The following CCDC127 variants were observed in gnomAD, a reference collection of about 807,000 sequenced individuals.
CCDC127 encodes the protein coiled-coil domain containing 127, also known as coiled-coil domain-containing protein 127.
Under a neutral mutation model 4.1 loss-of-function variants are expected in CCDC127, and 2 were observed. The ratio of observed to expected loss-of-function variants is 0.49; its 90% CI spans 0.20 to 1.53. CCDC127 has a LOEUF of 1.53. Ranked by LOEUF, CCDC127 falls within the 40% of genes most tolerant of loss-of-function variation. CCDC127 has a pLI of 0.23. For missense variants in CCDC127, 271 were observed against 322.9 expected (o/e 0.84, Z 1.23); for synonymous variants, 98 against 120.4 (o/e 0.81, Z 1.22).
chr5:213,690 A>G (rs1340615609), intron 2 of CCDC127, among the ~76,000 whole-genome samples: 2 of 152,274 alleles, frequency 1.3e-5, no homozygotes, highest in African/African-American at 2.4e-5. Flanking sequence ...ACGGGACAGC[A>G]GTGAAACACC....
chr5:206,854 T>C (rs73029475), intron 2 of CCDC127, among the ~76,000 whole-genome samples: 19,615 of 152,104 alleles, frequency 0.13, 1,331 homozygotes, highest in Admixed American at 0.17. Flanking sequence ...AAAACAGAAC[T>C]GTTTGGCAAA....
In CCDC127 at chr5:201,306, T is replaced by C. The variant is rs1476587583; in HGVS notation, c.*3991A>G. ...TAATATGTGAAAGTAACTAGAAAGC[T>C]GTTTTCTCCCTTCTGCTTAAAGAGA... On this transcript the variant is annotated 3_prime_UTR_variant, in exon 3 of 3. Coordinates refer to ENST00000296824, the MANE Select transcript of CCDC127 (RefSeq NM_145265.3). 2 of 152,250 alleles carry C rather than the reference T, an allele frequency of 1.3e-5. No individual in the cohort carries two copies. The highest frequency in any genetic ancestry group is 4.8e-5 in the African/African-American group (2 of 41,444). 9.4% of individuals were successfully genotyped at this position (152,250 alleles called of 1,614,324 possible).
intron 2 of CCDC127, among the ~76,000 whole-genome samples, chr5:210,929 C>T (rs1463754452): frequency 9.3e-5 from 6 of 64,768 alleles, no homozygotes; most frequent in Non-Finnish European, 1.1e-4. Flanking sequence ...ACTGTGAGCA[C>T]GCTGATGCTC....
At chr5:214,285 G>A (rs1734336028) in intron 2 of CCDC127, 1 of 152,192 alleles carries the variant, frequency 6.6e-6, no homozygotes, top group Non-Finnish European at 1.5e-5. Context: ...CTATCGTTTT[G>A]CAGATGCTTC....
At position 197,024 on chromosome 5, in the gene CCDC127, T is replaced by C. The variant is rs1297769328; in HGVS notation, c.*8273A>G. 1 of 149,070 alleles carries C rather than the reference T, an allele frequency of 6.7e-6. No individual in the cohort carries two copies. The highest frequency in any genetic ancestry group is 1.5e-5 in the Non-Finnish European group (1 of 67,880). The allele number at this position is 149,070 out of a possible 1,614,324, so 9.2% of individuals were successfully genotyped here. On this transcript the variant is annotated 3_prime_UTR_variant, in exon 3 of 3. Transcript: ENST00000296824. ...GAGCAGGGTGATAATAAGGAGGAGGTCAGCAAAAACGTGTGAGCAAAAGAA... is the reference window on the plus strand; with the variant it reads ...GAGCAGGGTGATAATAAGGAGGAGGCCAGCAAAAACGTGTGAGCAAAAGAA...
chr5:218,148 C>G lies in CCDC127; in HGVS notation c.-66G>C, dbSNP rs1373382433. 3 of 1,241,504 alleles carry G rather than the reference C, an allele frequency of 2.4e-6. No individual in the cohort carries two copies. The highest frequency in any genetic ancestry group is 3.0e-6 in the Non-Finnish European group (3 of 991,454). 76.9% of individuals were successfully genotyped at this position (1,241,504 alleles called of 1,614,324 possible). The stretch of plus-strand genomic sequence containing the variant: ...CCCTTAACGCCACCGTCCGCGGGTC[C>G]GCTTTGCGCAGGCGCGGCGCCCCCA... On this transcript the variant is annotated 5_prime_UTR_variant, in exon 1 of 3. Coordinates refer to ENST00000296824, the MANE Select transcript of CCDC127 (RefSeq NM_145265.3).
Position 205,277 on chromosome 5 carries a change from A to C in CCDC127, c.*20T>G, listed in dbSNP as rs1207665191. 6.3e-7 allele frequency: 1 copy of C among 1,588,550 alleles called. No homozygotes were observed. Among genetic ancestry groups the C allele is most frequent in the South Asian group, 1.1e-5 (1 of 87,512 alleles). ...TGCCTGGCCTCGAGTCACTAAAAGC[A>C]GTTTGATTTCACTCTTGTCTTACTT... On this transcript the variant is annotated 3_prime_UTR_variant, in exon 3 of 3. Transcript: ENST00000296824.
chr5:217,959 G>C (rs1184412736), intron 1 of CCDC127, 134 bp downstream of exon 1: 3 of 372,574 alleles, frequency 8.1e-6, no homozygotes, highest in Non-Finnish European at 1.2e-5. Flanking sequence ...CTCCGCGGAC[G>C]AGCGCCCCCC....
In CCDC127 at chr5:205,789, G is replaced by A; in HGVS notation, c.291C>T (p.Asn97=). ...GGGCTTCTCGGTAACTAGCAGTTCTGTTTTGTTCCTTTTCGAGTTCCAAGG... is the reference window on the plus strand; with the variant it reads ...GGGCTTCTCGGTAACTAGCAGTTCTATTTTGTTCCTTTTCGAGTTCCAAGG... The part of the protein sequence containing the change: ...QLSLELEKEQ[N]RTASYREALI... The change falls in exon 3 of 3, where the codon AAC becomes AAT. Residue 97 remains asparagine, a synonymous_variant. Transcript: ENST00000296824. 1 of 1,614,148 alleles carries A rather than the reference G, an allele frequency of 6.2e-7. No individual in the cohort carries two copies. Among genetic ancestry groups the A allele is most frequent in the Non-Finnish European group, 8.5e-7 (1 of 1,180,034 alleles).
At position 202,215 on chromosome 5, in the gene CCDC127, C is replaced by T. The variant is rs1232555812; in HGVS notation, c.*3082G>A. ...ACAATCCATTTCAAAAGAGGGTGGC[C>T]TCACATCAACACTCAAACTTGCTGA... On this transcript the variant is annotated 3_prime_UTR_variant, in exon 3 of 3. Coordinates refer to ENST00000296824, the MANE Select transcript of CCDC127 (RefSeq NM_145265.3). 6.6e-6 allele frequency: 1 copy of T among 152,272 alleles called. No individual in the cohort carries two copies. Among genetic ancestry groups the T allele is most frequent in the East Asian group, 1.9e-4 (1 of 5,200 alleles). The allele number at this position is 152,272 out of a possible 1,614,324, so 9.4% of individuals were successfully genotyped here.
rs1291984518 is a variant in CCDC127 at position 205,324 on chromosome 5, T to C, written c.756A>G (p.Arg252=). ...ELVVELKKFK[R]VEEAILEK Reference sequence around the variant, plus strand: ...ACTTTTCTAGTATGGCTTCCTCTACTCTCTTAAACTTCTTCAGTTCGACAA... The same window carrying C: ...ACTTTTCTAGTATGGCTTCCTCTACCCTCTTAAACTTCTTCAGTTCGACAA... Residue 252 remains arginine (R), a synonymous_variant, in exon 3 of 3, where the codon AGA becomes AGG. Coordinates refer to ENST00000296824, the MANE Select transcript of CCDC127 (RefSeq NM_145265.3). 1.2e-6 allele frequency: 2 copies of C among 1,611,034 alleles called. No individual in the cohort carries two copies. Among genetic ancestry groups the C allele is most frequent in the East Asian group, 4.5e-5 (2 of 44,800 alleles).
chr5:205,645 C>T lies in CCDC127; in HGVS notation c.435G>A (p.Leu145=). 2 of 1,614,220 alleles carry T rather than the reference C, an allele frequency of 1.2e-6. No homozygotes were observed. ...QPLRSAYLSC[L]QREENWQRRA... is the part of the protein sequence containing the mutation. The stretch of plus-strand genomic sequence containing the variant: ...TCCTTTGCCAGTTTTCTTCCCTTTG[C>T]AGGCAGCTCAAATACGCACTTCTCA... The change falls in exon 3 of 3, where the codon CTG becomes CTA. Residue 145 remains leucine, a synonymous_variant. Coordinates refer to ENST00000296824, the MANE Select transcript of CCDC127 (RefSeq NM_145265.3).
At chr5:210,092 C>G (rs952049213) in intron 2 of CCDC127, among the ~76,000 whole-genome samples, 3 of 152,210 alleles carry the variant, frequency 2.0e-5, no homozygotes, top group African/African-American at 4.8e-5. Context: ...GACAAGAAAT[C>G]AAAGGCAAAC....
At chr5:207,513 C>CTGAA (rs1432477938) in intron 2 of CCDC127, among the ~76,000 whole-genome samples, 2 of 152,154 alleles carry the variant, frequency 1.3e-5, no homozygotes, top group Non-Finnish European at 2.9e-5. Context: ...GTCTAGAAGG[C>CTGAA]TGAAGGCTGA....
At chr5:215,794 A>T (rs1160148837) in intron 2 of CCDC127, 1 of 152,164 alleles carries the variant, frequency 6.6e-6, no homozygotes, top group Non-Finnish European at 1.5e-5. Flanking sequence ...CCTTTCTTCC[A>T]TTCAATTATT....
intron 2 of CCDC127, among the ~76,000 whole-genome samples, chr5:207,142 C>T (rs921252554): frequency 1.3e-5 from 2 of 152,136 alleles, no homozygotes; most frequent in African/African-American, 2.4e-5. Flanking sequence ...GCTTTTCTCC[C>T]GGGTCATGAA....
chr5:205,157 G>A lies in CCDC127; in HGVS notation c.*140C>T. On this transcript the variant is annotated 3_prime_UTR_variant, in exon 3 of 3. Coordinates refer to ENST00000296824, the MANE Select transcript of CCDC127 (RefSeq NM_145265.3). ...TTCGGTGCACTTCTGCTCAGACGGTGGCGGGAGTGGAGGTCGCTGCTGAAG... is the reference window on the plus strand; with the variant it reads ...TTCGGTGCACTTCTGCTCAGACGGTAGCGGGAGTGGAGGTCGCTGCTGAAG... 1 of 713,810 alleles carries A rather than the reference G, an allele frequency of 1.4e-6. No homozygotes were observed. Among genetic ancestry groups the A allele is most frequent in the East Asian group, 2.6e-5 (1 of 38,518 alleles). The allele number at this position is 713,810 out of a possible 1,614,324, so 44.2% of individuals were successfully genotyped here.
rs2126496958 is a variant in CCDC127, at chr5:198,417, C to G, written c.*6880G>C. The G allele has an allele frequency of 6.6e-6, 1 of 152,446 alleles. No homozygotes were observed. The highest frequency in any genetic ancestry group is 2.4e-5 in the African/African-American group (1 of 41,604). The allele number at this position is 152,446 out of a possible 1,614,324, so 9.4% of individuals were successfully genotyped here. ...TCTGAATTTTTATTGTAAGACTCAGCCGCTGGGCGGCATGATGACCAACCT... is the reference window on the plus strand; with the variant it reads ...TCTGAATTTTTATTGTAAGACTCAGGCGCTGGGCGGCATGATGACCAACCT... On this transcript the variant is annotated 3_prime_UTR_variant, in exon 3 of 3. Transcript: ENST00000296824.
In CCDC127 at chr5:205,737, C is replaced by T; in HGVS notation, c.343G>A (p.Glu115Lys). The T allele has an allele frequency of 6.2e-7, 1 of 1,614,162 alleles. No individual in the cohort carries two copies. The highest frequency in any genetic ancestry group is 8.5e-7 in the Non-Finnish European group (1 of 1,180,030). Residue 115 changes from glutamate (E) to lysine (K), a missense_variant, in exon 3 of 3, where the codon GAA becomes AAA. Glu to Lys is a moderately conservative substitution (Grantham distance 56, BLOSUM62 1). Around this residue, in one of 2 missense-constraint regions of CCDC127, gnomAD observed 265 missense variants for 270.9 expected, o/e 0.98. Coordinates refer to ENST00000296824, the MANE Select transcript of CCDC127 (RefSeq NM_145265.3). Reference sequence around the variant, plus strand: ...TCCTGTTCCAGAAGCTTCTTTTCTTCTACCAACTTGCGTCCCTGAGAGATA... The same window carrying T: ...TCCTGTTCCAGAAGCTTCTTTTCTTTTACCAACTTGCGTCCCTGAGAGATA... Reference protein sequence around the residue: ...ALISQGRKLVEEKKLLEQERA... With the variant: ...ALISQGRKLVKEKKLLEQERA...
Sources: gnomAD v4.1 joint callset for allele counts (sites outside exome capture counted in the v4.1 genomes callset) on GRCh38, gnomAD v4.1.1 for gene constraint, gnomAD v4.1.1 regional missense constraint, MANE v1.5 for transcripts, NCBI Gene and HGNC (gene_info 2026-07-23, HGNC 2026-07-21) for gene names.